The following PI4KA variants were observed in gnomAD, a reference collection of about 807,000 sequenced individuals.
PI4KA encodes the protein phosphatidylinositol 4-kinase alpha, also known as PI4-kinase alpha.
PI4KA carries 122 observed loss-of-function variants against 271.4 expected under a neutral mutation model. That is an observed-to-expected ratio of 0.45 (90% CI 0.39 to 0.52). The LOEUF is 0.52. PI4KA is among the 20% of genes least tolerant of loss of function. PI4KA has a pLI of 0.00. For synonymous variants in PI4KA, 1,041 were observed against 1,078.8 expected, an observed-to-expected ratio of 0.96 and a Z score of 0.69; for missense variants, 1,969 against 2,769.1, an observed-to-expected ratio of 0.71 and a Z score of 6.48.
At chr22:20,820,744 C>A in intron 4 of PI4KA, 133 bp from the exon 5 acceptor site, 1 of 646,882 alleles carries the variant, frequency 1.5e-6, no homozygotes, top group Non-Finnish European at 2.7e-6. Flanking sequence ...CCCTCCACAA[C>A]GACTGTGCCA....
chr22:20,782,895 G>C (rs1408959341), intron 19 of PI4KA, among the ~76,000 whole-genome samples: 1 of 152,164 alleles, frequency 6.6e-6, no homozygotes, highest in Non-Finnish European at 1.5e-5. Context: ...AGGCAGGCAG[G>C]AGCTGTCTGG....
rs758581485 is a variant in PI4KA, at chr22:20,858,667, G to A, written c.59C>T (p.Ser20Phe). 134 of 1,474,654 alleles carry A rather than the reference G, an allele frequency of 9.1e-5. No homozygotes were observed. Among genetic ancestry groups the A allele is most frequent in the Non-Finnish European group, 1.2e-4 (130 of 1,120,120 alleles). The allele number at this position is 1,474,654 out of a possible 1,614,324, so 91.3% of individuals were successfully genotyped here. The change falls in exon 1 of 55, where the codon TCC becomes TTC. Residue 20 changes from serine to phenylalanine, a missense_variant. Physicochemically the swap from Ser to Phe is radical, Grantham distance 155 (BLOSUM62 -2). Around this residue, in one of 13 missense-constraint regions of PI4KA, gnomAD observed 540 missense variants for 555.5 expected, o/e 0.97. Transcript: ENST00000255882. ...CCGCGAGGCGCTGGAGCCGGAGCCG[G>A]AGCAGCCGCCGCCGCCTCCGCCTCC... ...GGGGGGGGGCSGSGSSASRGF... is the reference protein window; with the variant it reads ...GGGGGGGGGCFGSGSSASRGF...
In PI4KA at chr22:20,744,609, G is replaced by A. The variant is rs370265532; in HGVS notation, c.3456+19C>T. On this transcript the variant is annotated intron_variant, in intron 30 of 54. Transcript: ENST00000255882. ...GAGGACACGTTAAAGGCCCTAGGGC[G>A]CAAGGACAAGAGAAGCACCTCGCCC... 1.1e-5 allele frequency: 18 copies of A among 1,593,286 alleles called. No homozygotes were observed. Among genetic ancestry groups the A allele is most frequent in the East Asian group, 4.5e-5 (2 of 44,812 alleles).
rs1924003813 is a variant in PI4KA at position 20,830,428 on chromosome 22, G to C, written c.367+4134C>G. 2.6e-5 allele frequency among the ~76,000 whole-genome samples: 4 copies of C among 152,266 alleles called. No homozygotes were observed. In the South Asian group the frequency reaches 8.3e-4, roughly 32 times the overall value. ...TCTTTGTCTTTTGTGATCTTCGTTG[G>C]TTGGAAGTCTATTTTGTCTGAAATC... On this transcript the variant is annotated intron_variant, in intron 3 of 54. Coordinates refer to ENST00000255882, the MANE Select transcript of PI4KA (RefSeq NM_058004.4).
intron 23 of PI4KA, among the ~76,000 whole-genome samples, chr22:20,754,536 C>A (rs987136991): frequency 1.3e-5 from 2 of 152,250 alleles, no homozygotes; most frequent in African/African-American, 4.8e-5. Flanking sequence ...TGAAGTTATG[C>A]AGAGATCATG....
intron 1 of PI4KA, 112 bp from the exon 2 acceptor site, chr22:20,838,843 T>C: frequency 1.6e-6 from 1 of 644,006 alleles, no homozygotes; most frequent in Non-Finnish European, 2.8e-6. Flanking sequence ...TTCAGGAGGC[T>C]GAGGTGGGAG....
At chr22:20,856,024 G>T (rs1292760839) in intron 1 of PI4KA, among the ~76,000 whole-genome samples, 1 of 152,238 alleles carries the variant, frequency 6.6e-6, no homozygotes, top group African/African-American at 2.4e-5. Flanking sequence ...GCTCATGCCT[G>T]TAATCCCGGC....
At chr22:20,718,215 T>G (rs1265762401) in intron 44 of PI4KA, among the ~76,000 whole-genome samples, 2 of 152,232 alleles carry the variant, frequency 1.3e-5, no homozygotes, top group African/African-American at 2.4e-5. Flanking sequence ...TGCCCAGCAT[T>G]GATGACTCCA....
chr22:20,848,414 G>T (rs1472428110), intron 1 of PI4KA, among the ~76,000 whole-genome samples: 2 of 151,978 alleles, frequency 1.3e-5, no homozygotes, highest in Admixed American at 6.6e-5. Context: ...ATCTTGAAAA[G>T]GAAGGACAAA....
At chr22:20,710,347 G>T in intron 52 of PI4KA, 1 of 525,074 alleles carries the variant, frequency 1.9e-6, no homozygotes, top group South Asian at 2.1e-5. Flanking sequence ...TGTGGCCTTG[G>T]CCAAGTGACC....
intron 1 of PI4KA, among the ~76,000 whole-genome samples, chr22:20,857,565 A>G (rs1927755436): frequency 6.6e-6 from 1 of 152,304 alleles, no homozygotes; most frequent in African/African-American, 2.4e-5. Context: ...AAATAATTCC[A>G]TCCTTTCAGA....
chr22:20,731,801 C>A (rs779067565), intron 36 of PI4KA, among the ~76,000 whole-genome samples: 15 of 151,946 alleles, frequency 9.9e-5, no homozygotes, highest in Admixed American at 2.0e-4. Context: ...TGGTAGCGAG[C>A]GCCTGTAGTC....
intron 19 of PI4KA, among the ~76,000 whole-genome samples, chr22:20,775,241 A>G (rs1337614394): frequency 6.6e-6 from 1 of 152,210 alleles, no homozygotes; most frequent in Non-Finnish European, 1.5e-5. Context: ...TCTTTAAAAT[A>G]TATTGTTTCT....
At chr22:20,756,710 A>G (rs1018523920) in intron 23 of PI4KA, among the ~76,000 whole-genome samples, 1 of 152,068 alleles carries the variant, frequency 6.6e-6, no homozygotes. Context: ...GGCTCACTCC[A>G]ACCTCTGCCT....
At chr22:20,816,022 C>T (rs5752039) in intron 7 of PI4KA, among the ~76,000 whole-genome samples, 1 of 152,076 alleles carries the variant, frequency 6.6e-6, no homozygotes, top group Non-Finnish European at 1.5e-5. Context: ...TCACCGCAAC[C>T]TGCGTCTCCC....
chr22:20,846,011 A>G (rs1352241507), intron 1 of PI4KA, among the ~76,000 whole-genome samples: 1 of 152,132 alleles, frequency 6.6e-6, no homozygotes, highest in Non-Finnish European at 1.5e-5. Flanking sequence ...TAATCCCAAC[A>G]CTTTGGGAGG....
chr22:20,712,683 G>A lies in PI4KA; in HGVS notation c.5676+10C>T, dbSNP rs750930269. ...AGGGCTGCCCTACTGGCTCCACTCA[G>A]GGAACTTACCCCAGGGGCAGTGGCC... is the stretch of plus-strand genomic sequence containing the variant. On this transcript the variant is annotated intron_variant, in intron 49 of 54. Transcript: ENST00000255882. The A allele has an allele frequency of 7.1e-6, 11 of 1,554,222 alleles. No individual in the cohort carries two copies. The highest frequency in any genetic ancestry group is 3.8e-5 in the Admixed American group (2 of 52,096).
chr22:20,718,594 G>A (rs1926307170), intron 44 of PI4KA, 99 bp downstream of exon 44: 4 of 1,367,962 alleles, frequency 2.9e-6, no homozygotes, highest in Non-Finnish European at 3.1e-6. Context: ...TCTGGTTGGG[G>A]CCAGGCACGG....
intron 40 of PI4KA, 36 bp downstream of exon 40, chr22:20,727,738 G>A: frequency 1.3e-6 from 2 of 1,522,476 alleles, no homozygotes; most frequent in Admixed American, 1.7e-5. Flanking sequence ...ATTTTGTGCA[G>A]TTTGAACTCA....
Sources: gnomAD v4.1 joint callset for allele counts (sites outside exome capture counted in the v4.1 genomes callset) on GRCh38, gnomAD v4.1.1 for gene constraint, gnomAD v4.1.1 regional missense constraint, MANE v1.5 for transcripts, NCBI Gene and HGNC (gene_info 2026-07-23, HGNC 2026-07-21) for gene names.